FAT3: variants seen among roughly 807,000 people sequenced by gnomAD.
FAT3 encodes FAT atypical cadherin 3.
Under a neutral mutation model 310.2 loss-of-function variants are expected in FAT3, and 95 were observed. The observed-to-expected ratio is 0.31, with a 90% CI of 0.26 to 0.36. FAT3 has a LOEUF of 0.36. Ranked by LOEUF, FAT3 falls within the 10% of genes least tolerant of loss-of-function variation. The pLI is 1.00. For missense variants in FAT3, 5,408 were observed against 5,715.6 expected (o/e 0.95, Z 1.74); for synonymous variants, 2,314 against 2,192.9 (o/e 1.06, Z -1.54).
chr11:92,655,286 C>A (rs1240128610), intron 3 of FAT3, among the ~76,000 whole-genome samples: 2 of 152,130 alleles, frequency 1.3e-5, no homozygotes, highest in African/African-American at 2.4e-5. Context: ...TGGAGGACAG[C>A]AACAGGGTCA....
chr11:92,289,568 G>A (rs1365044895), intron 1 of FAT3, among the ~76,000 whole-genome samples: 1 of 151,480 alleles, frequency 6.6e-6, no homozygotes, highest in East Asian at 2.0e-4. Context: ...ATATATATGT[G>A]TAATCTTTTA....
chr11:92,794,462 T>A (rs1419964399), intron 9 of FAT3, among the ~76,000 whole-genome samples: 4 of 152,212 alleles, frequency 2.6e-5, no homozygotes, highest in Non-Finnish European at 5.9e-5. Context: ...TAGCTGTGTG[T>A]CTCTACCTGC....
intron 13 of FAT3, among the ~76,000 whole-genome samples, chr11:92,824,667 T>C (rs1230803147): frequency 2.6e-5 from 4 of 152,228 alleles, no homozygotes; most frequent in Non-Finnish European, 4.4e-5. Flanking sequence ...TTTTATTTAT[T>C]ACAAACATAG....
chr11:92,566,907 A>C (rs1200221005), intron 3 of FAT3, among the ~76,000 whole-genome samples: 1 of 152,194 alleles, frequency 6.6e-6, no homozygotes, highest in Non-Finnish European at 1.5e-5. Context: ...TAAAGACTTA[A>C]ACGTTAGACC....
rs750284438 is a variant in FAT3 at position 92,494,623 on chromosome 11, A to G, written c.3293-30011A>G. On this transcript the variant is annotated intron_variant, in intron 2 of 27. Transcript: ENST00000525166. ...AAGAGTTTCCGTTATCATACATATT[A>G]TAGAGATGAGGAAATTATTACAATA... Among the ~76,000 whole-genome samples, 18 of 152,104 alleles carry G rather than the reference A, an allele frequency of 1.2e-4. 1 individual carries two copies. The highest frequency in any genetic ancestry group is 3.4e-3 in the Middle Eastern group (1 of 294).
In FAT3 at chr11:92,262,098, C is replaced by T. The variant is rs529447336; in HGVS notation, c.-18+36924C>T. ...AGAAGAGGCTACCATATTAGATTAGCTTTCACTTAACACAGAGGGATCTGA... is the reference window on the plus strand; with the variant it reads ...AGAAGAGGCTACCATATTAGATTAGTTTTCACTTAACACAGAGGGATCTGA... On this transcript the variant is annotated intron_variant, in intron 1 of 27. Transcript: ENST00000525166. 2.0e-4 allele frequency among the ~76,000 whole-genome samples: 31 copies of T among 152,056 alleles called. No homozygotes were observed. The South Asian group carries it at 3.9e-3, about 19-fold the overall frequency.
intron 4 of FAT3, among the ~76,000 whole-genome samples, chr11:92,743,332 G>T (rs1431087506): frequency 3.9e-5 from 6 of 152,218 alleles, no homozygotes; most frequent in Non-Finnish European, 7.3e-5. Flanking sequence ...TTCAGCAGGA[G>T]ATTGACATGC....
intron 3 of FAT3, among the ~76,000 whole-genome samples, chr11:92,566,084 G>A (rs372895022): frequency 4.6e-4 from 70 of 152,276 alleles, no homozygotes; most frequent in South Asian, 2.9e-3. Flanking sequence ...TAGGAAAAGA[G>A]GAAGTCGAAT....
intron 3 of FAT3, among the ~76,000 whole-genome samples, chr11:92,631,025 A>G (rs1228988387): frequency 6.6e-6 from 1 of 152,290 alleles, no homozygotes; most frequent in Middle Eastern, 3.4e-3. Flanking sequence ...ATTGCCAGCA[A>G]CCATATTGGT....
At chr11:92,537,952 T>A (rs1231628166) in intron 3 of FAT3, among the ~76,000 whole-genome samples, 1 of 152,032 alleles carries the variant, frequency 6.6e-6, no homozygotes. Context: ...GGGAAAGATA[T>A]TTATCTTTAT....
intron 13 of FAT3, among the ~76,000 whole-genome samples, chr11:92,830,529 G>A (rs1269104585): frequency 6.6e-6 from 1 of 151,790 alleles, no homozygotes; most frequent in East Asian, 1.9e-4. Context: ...TCATTCATTT[G>A]CATGGCTTTG....
chr11:92,666,603 G>A (rs182896954), intron 3 of FAT3, among the ~76,000 whole-genome samples: 217 of 150,820 alleles, frequency 1.4e-3, no homozygotes, highest in Non-Finnish European at 1.3e-3. Context: ...CTCGTGATCC[G>A]CCTGCCTCGG....
chr11:92,522,063 A>G (rs1953703734), intron 2 of FAT3, among the ~76,000 whole-genome samples: 2 of 152,116 alleles, frequency 1.3e-5, no homozygotes, highest in African/African-American at 4.8e-5. Context: ...GATGCCTGTA[A>G]ACTGAATGGA....
At position 92,895,054 on chromosome 11, in the gene FAT3, CA is replaced by C. The variant is rs1189804720; in HGVS notation, c.*3942del. ...GAAAACAGTTTTATGTGAAGTAATT[CA>C]GGAAGATCTAGTGTTCATTTTGCAT... On this transcript the variant is annotated 3_prime_UTR_variant, in exon 28 of 28. Transcript: ENST00000525166. 1 of 152,172 alleles carries C rather than the reference CA, an allele frequency of 6.6e-6. No individual in the cohort carries two copies. The highest frequency in any genetic ancestry group is 1.5e-5 in the Non-Finnish European group (1 of 68,026). The allele number at this position is 152,172 out of a possible 1,614,324, so 9.4% of individuals were successfully genotyped here.
At chr11:92,752,773 GGT>G (rs1389194628) in intron 4 of FAT3, among the ~76,000 whole-genome samples, 1 of 152,170 alleles carries the variant, frequency 6.6e-6, no homozygotes, top group Non-Finnish European at 1.5e-5. Context: ...TGAAGAAATA[GGT>G]GTGAGATTGT....
At position 92,608,380 on chromosome 11, in the gene FAT3, T is replaced by C. The variant is rs542236024; in HGVS notation, c.3607+83432T>C. Among the ~76,000 whole-genome samples the C allele has an allele frequency of 1.6e-4, 24 of 152,338 alleles. 2 individuals carry two copies. The South Asian group carries it at 1.9e-3, about 12-fold the overall frequency. ...GTTTTCAACTCCTTATGGAATGTTATGCTGTTAGTTGTTACTTTTCAACCT... is the reference window on the plus strand; with the variant it reads ...GTTTTCAACTCCTTATGGAATGTTACGCTGTTAGTTGTTACTTTTCAACCT... On this transcript the variant is annotated intron_variant, in intron 3 of 27. Coordinates refer to ENST00000525166, the MANE Select transcript of FAT3 (RefSeq NM_001367949.2).
intron 4 of FAT3, among the ~76,000 whole-genome samples, chr11:92,759,994 G>T (rs1946103086): frequency 6.6e-6 from 1 of 152,116 alleles, no homozygotes; most frequent in South Asian, 2.1e-4. Context: ...GAGCAGCCAA[G>T]AAATCAATAT....
At chr11:92,507,156 A>G (rs969878260) in intron 2 of FAT3, among the ~76,000 whole-genome samples, 2 of 152,216 alleles carry the variant, frequency 1.3e-5, no homozygotes, top group Non-Finnish European at 2.9e-5. Flanking sequence ...GGCACATTTC[A>G]TCTCAATTAC....
intron 3 of FAT3, among the ~76,000 whole-genome samples, chr11:92,567,584 C>T (rs1008515859): frequency 4.6e-5 from 7 of 151,642 alleles, no homozygotes; most frequent in African/African-American, 7.3e-5. Flanking sequence ...GACACATGCA[C>T]ACGTATGTTT....
Sources: gnomAD v4.1 joint callset for allele counts (sites outside exome capture counted in the v4.1 genomes callset) on GRCh38, gnomAD v4.1.1 for gene constraint, MANE v1.5 for transcripts, NCBI Gene and HGNC (gene_info 2026-07-23, HGNC 2026-07-21) for gene names.